Variants in HECW2 observed in about 807,000 individuals in gnomAD.
HECW2 encodes HECT, C2 and WW domain containing E3 ubiquitin protein ligase 2.
A neutral mutation model predicts 175.2 loss-of-function variants in HECW2; 61 were observed. The ratio of observed to expected loss-of-function variants is 0.35; its 90% CI spans 0.28 to 0.43. HECW2 has a LOEUF of 0.43. HECW2 is among the 20% of genes least tolerant of loss of function. The pLI is 1.00. For missense variants in HECW2, 1,524 were observed against 2,000.5 expected (o/e 0.76, Z 4.54); for synonymous variants, 671 against 731.0 (o/e 0.92, Z 1.32).
chr2:196,454,788 C>A (rs1696454227), intron 1 of HECW2, among the ~76,000 whole-genome samples: 1 of 152,156 alleles, frequency 6.6e-6, no homozygotes, highest in Admixed American at 6.5e-5. Flanking sequence ...GCTCTATGAC[C>A]TCTGGAAGGC....
At chr2:196,564,226 A>C (rs1236743814) in intron 1 of HECW2, among the ~76,000 whole-genome samples, 1 of 152,198 alleles carries the variant, frequency 6.6e-6, no homozygotes, top group Admixed American at 6.5e-5. Context: ...AATTAGTCAT[A>C]ATTTTAAAAA....
chr2:196,520,939 T>C (rs1688346421), intron 1 of HECW2, among the ~76,000 whole-genome samples: 1 of 151,964 alleles, frequency 6.6e-6, no homozygotes, highest in Admixed American at 6.6e-5. Flanking sequence ...GCTCAAACAG[T>C]ATGATTTTAG....
At chr2:196,558,621 C>A (rs1189816300) in intron 1 of HECW2, among the ~76,000 whole-genome samples, 1 of 152,232 alleles carries the variant, frequency 6.6e-6, no homozygotes, top group Non-Finnish European at 1.5e-5. Flanking sequence ...TTCCTTGATT[C>A]TAGCTGACAT....
chr2:196,282,361 A>G (rs1330452836), intron 14 of HECW2, among the ~76,000 whole-genome samples: 1 of 152,146 alleles, frequency 6.6e-6, no homozygotes, highest in Non-Finnish European at 1.5e-5. Context: ...ACTCTGTAAA[A>G]TATTTGAAGA....
chr2:196,228,951 C>T (rs1687950577), intron 21 of HECW2, among the ~76,000 whole-genome samples: 2 of 152,172 alleles, frequency 1.3e-5, no homozygotes, highest in Non-Finnish European at 2.9e-5. Context: ...TTCTACTTTA[C>T]TTACAAAGAT....
At chr2:196,202,775 G>C (rs949374904) in intron 28 of HECW2, among the ~76,000 whole-genome samples, 3 of 152,160 alleles carry the variant, frequency 2.0e-5, no homozygotes, top group Non-Finnish European at 2.9e-5. Context: ...TATATTGTAA[G>C]AATACAGATA....
At chr2:196,418,380 G>T (rs893667219) in intron 2 of HECW2, among the ~76,000 whole-genome samples, 3 of 151,964 alleles carry the variant, frequency 2.0e-5, no homozygotes, top group Non-Finnish European at 4.4e-5. Context: ...TGCCTGCCTC[G>T]GCCTCCCAAA....
intron 2 of HECW2, among the ~76,000 whole-genome samples, chr2:196,377,561 A>G (rs764116012): frequency 6.6e-6 from 1 of 152,182 alleles, no homozygotes; most frequent in African/African-American, 2.4e-5. Flanking sequence ...CTATCATGAG[A>G]ACAGCATGGG....
intron 19 of HECW2, among the ~76,000 whole-genome samples, chr2:196,243,110 T>A (rs1160689785): frequency 6.6e-6 from 1 of 152,146 alleles, no homozygotes; most frequent in East Asian, 1.9e-4. Context: ...AAGGCACCTG[T>A]CTCACTTGCA....
intron 1 of HECW2, among the ~76,000 whole-genome samples, chr2:196,554,131 G>A (rs1035127103): frequency 2.0e-5 from 3 of 152,052 alleles, no homozygotes; most frequent in Non-Finnish European, 2.9e-5. Flanking sequence ...GAGGTCAGGA[G>A]ATCGAGACCA....
chr2:196,238,053 T>C, intron 21 of HECW2, among the ~76,000 whole-genome samples: 1 of 152,154 alleles, frequency 6.6e-6, no homozygotes, highest in East Asian at 1.9e-4. Flanking sequence ...AAAGAGAAAG[T>C]AACAGAAAAC....
chr2:196,493,034 G>C (rs1346063056), intron 1 of HECW2, among the ~76,000 whole-genome samples: 1 of 152,112 alleles, frequency 6.6e-6, no homozygotes, highest in Non-Finnish European at 1.5e-5. Flanking sequence ...GTACATTCAG[G>C]ATATTTCAGA....
intron 1 of HECW2, among the ~76,000 whole-genome samples, chr2:196,560,852 TCTTTA>T (rs1261360899): frequency 5.9e-5 from 9 of 152,334 alleles, no homozygotes; most frequent in Admixed American, 4.6e-4. Context: ...CCTATGCTTG[TCTTTA>T]CTTTAATCTC....
intron 2 of HECW2, among the ~76,000 whole-genome samples, chr2:196,423,972 TG>T (rs895258357): frequency 1.3e-5 from 2 of 151,068 alleles, no homozygotes; most frequent in African/African-American, 4.9e-5. Context: ...ACAGATAATG[TG>T]TTTTTTTTAC....
intron 3 of HECW2, among the ~76,000 whole-genome samples, chr2:196,335,418 T>C (rs1037691484): frequency 2.6e-5 from 4 of 152,188 alleles, no homozygotes; most frequent in African/African-American, 9.7e-5. Context: ...TCGTTCTAAA[T>C]ATGCAAGGAT....
chr2:196,472,270 G>C (rs1020326070), intron 1 of HECW2, among the ~76,000 whole-genome samples: 1 of 151,910 alleles, frequency 6.6e-6, no homozygotes, highest in African/African-American at 2.4e-5. Flanking sequence ...GATCACTTGA[G>C]GTCAGGAGTT....
At chr2:196,502,403 A>G (rs757694982) in intron 1 of HECW2, among the ~76,000 whole-genome samples, 5 of 152,214 alleles carry the variant, frequency 3.3e-5, no homozygotes, top group South Asian at 4.1e-4. Flanking sequence ...AAGTCAAACA[A>G]TAACATATTA....
At chr2:196,551,319 C>T (rs2125483969) in intron 1 of HECW2, among the ~76,000 whole-genome samples, 1 of 152,250 alleles carries the variant, frequency 6.6e-6, no homozygotes, top group African/African-American at 2.4e-5. Context: ...AGGACAGGGG[C>T]AGGAGAAAGT....
At chr2:196,476,947 C>CAAAAA (rs35714216) in intron 1 of HECW2, among the ~76,000 whole-genome samples, 10 of 57,406 alleles carry the variant, frequency 1.7e-4, no homozygotes, top group Non-Finnish European at 1.8e-4. Flanking sequence ...CCCATCTCCA[C>CAAAAA]AAAAAAAAAA....
Sources: gnomAD v4.1 joint callset for allele counts (sites outside exome capture counted in the v4.1 genomes callset) on GRCh38, gnomAD v4.1.1 for gene constraint, MANE v1.5 for transcripts, NCBI Gene and HGNC (gene_info 2026-07-23, HGNC 2026-07-21) for gene names.